Variants in ROBO1 observed in about 807,000 individuals in gnomAD.
The protein encoded by ROBO1 is roundabout guidance receptor 1.
A neutral mutation model predicts 195.9 loss-of-function variants in ROBO1; 149 were observed. That is an observed-to-expected ratio of 0.76 (90% CI 0.67 to 0.87). ROBO1 has a LOEUF of 0.87. Ranked by LOEUF, ROBO1 falls within the 40% of genes least tolerant of loss-of-function variation. The pLI is 0.00. For missense variants in ROBO1, 1,933 were observed against 2,068.3 expected, an observed-to-expected ratio of 0.93 and a Z score of 1.27; for synonymous variants, 816 against 733.2, an observed-to-expected ratio of 1.11 and a Z score of -1.82.
chr3:79,651,455 A>T (rs1027738520), intron 1 of ROBO1, among the ~76,000 whole-genome samples: 1 of 152,112 alleles, frequency 6.6e-6, no homozygotes, highest in African/African-American at 2.4e-5. Context: ...TATGTGTGAG[A>T]GAGTTAATTT....
chr3:79,511,095 C>T (rs1575943889), intron 2 of ROBO1, among the ~76,000 whole-genome samples: 1 of 152,110 alleles, frequency 6.6e-6, no homozygotes, highest in Non-Finnish European at 1.5e-5. Context: ...GCACAACACA[C>T]AAGATTTGTT....
intron 8 of ROBO1, among the ~76,000 whole-genome samples, chr3:78,702,841 G>A (rs982853488): frequency 2.6e-5 from 4 of 152,114 alleles, no homozygotes; most frequent in South Asian, 4.1e-4. Context: ...CCTATGATGC[G>A]CTATTTACTA....
chr3:79,456,112 C>T (rs2039612158), intron 2 of ROBO1, among the ~76,000 whole-genome samples: 1 of 152,104 alleles, frequency 6.6e-6, no homozygotes, highest in Non-Finnish European at 1.5e-5. Flanking sequence ...TAGTTTGATT[C>T]TCTTGATATA....
chr3:79,741,308 A>G (rs17017098), intron 1 of ROBO1, among the ~76,000 whole-genome samples: 5,608 of 152,252 alleles, frequency 0.037, 354 homozygotes, highest in African/African-American at 0.13. Context: ...AGAGTAGGGT[A>G]TTGTAATAGA....
At chr3:79,245,100 G>A (rs1197259981) in intron 2 of ROBO1, among the ~76,000 whole-genome samples, 1 of 151,970 alleles carries the variant, frequency 6.6e-6, no homozygotes, top group Non-Finnish European at 1.5e-5. Flanking sequence ...ACTTATATAT[G>A]TTTTATGTGT....
At chr3:79,523,020 T>C (rs145550014) in intron 2 of ROBO1, among the ~76,000 whole-genome samples, 2 of 152,300 alleles carry the variant, frequency 1.3e-5, no homozygotes, top group African/African-American at 4.8e-5. Context: ...CTGTGTCAAG[T>C]GTGCTTTACA....
intron 2 of ROBO1, among the ~76,000 whole-genome samples, chr3:79,292,664 A>G (rs2032325896): frequency 6.6e-6 from 1 of 152,070 alleles, no homozygotes; most frequent in African/African-American, 2.4e-5. Flanking sequence ...TTCTGTTTAC[A>G]TTACGGATTA....
intron 14 of ROBO1, among the ~76,000 whole-genome samples, chr3:78,665,705 C>A (rs1707691071): frequency 1.3e-5 from 2 of 152,014 alleles, no homozygotes; most frequent in South Asian, 2.1e-4. Context: ...TTAATGTATT[C>A]TTTGTCCAAT....
chr3:78,888,180 T>C (rs545120463), intron 4 of ROBO1, among the ~76,000 whole-genome samples: 1 of 152,310 alleles, frequency 6.6e-6, no homozygotes, highest in African/African-American at 2.4e-5. Flanking sequence ...TTTTGATCAA[T>C]TAAAAGTTTC....
At chr3:79,745,042 T>A (rs901955977) in intron 1 of ROBO1, among the ~76,000 whole-genome samples, 1 of 152,010 alleles carries the variant, frequency 6.6e-6, no homozygotes, top group Admixed American at 6.6e-5. Context: ...GCCAGAAGGG[T>A]GCTAGTTAAG....
chr3:79,243,772 C>T (rs1036869353), intron 2 of ROBO1, among the ~76,000 whole-genome samples: 1 of 152,120 alleles, frequency 6.6e-6, no homozygotes, highest in South Asian at 2.1e-4. Context: ...TTCTCCCATT[C>T]TATAGGTTGC....
intron 2 of ROBO1, among the ~76,000 whole-genome samples, chr3:79,148,389 C>T (rs757013046): frequency 6.6e-6 from 1 of 151,700 alleles, no homozygotes; most frequent in Non-Finnish European, 1.5e-5. Context: ...ACTCAGGAGG[C>T]TGATGGGTCT....
At chr3:79,257,562 G>A (rs555259876) in intron 2 of ROBO1, among the ~76,000 whole-genome samples, 10 of 152,126 alleles carry the variant, frequency 6.6e-5, no homozygotes, top group South Asian at 2.1e-4. Flanking sequence ...AGATTGATAC[G>A]TTTCATTTAT....
chr3:79,761,198 A>G (rs916343122), intron 1 of ROBO1, among the ~76,000 whole-genome samples: 25 of 149,194 alleles, frequency 1.7e-4, no homozygotes, highest in Non-Finnish European at 3.4e-4. Flanking sequence ...ATAGAACACT[A>G]TATTGCAATG....
chr3:79,746,644 A>G (rs1379506672), intron 1 of ROBO1, among the ~76,000 whole-genome samples: 1 of 152,052 alleles, frequency 6.6e-6, no homozygotes, highest in Non-Finnish European at 1.5e-5. Context: ...GAAATGAGAA[A>G]TATACCACAG....
At chr3:78,973,879 A>C (rs974336078) in intron 3 of ROBO1, among the ~76,000 whole-genome samples, 16 of 152,044 alleles carry the variant, frequency 1.1e-4, no homozygotes, top group African/African-American at 3.9e-4. Context: ...AGTCACATTA[A>C]GTTTCTTAGA....
Position 79,349,762 on chromosome 3 carries a change from A to G in ROBO1, c.89-224223T>C, listed in dbSNP as rs140043536. On this transcript the variant is annotated intron_variant, in intron 2 of 30. Transcript: ENST00000464233. ...GGTTCAGGGACAACTGGATATCCAC[A>G]TGCAAAAACTGGGCTCTTGTTTCAC... Among the ~76,000 whole-genome samples the G allele has an allele frequency of 4.9e-3, 745 of 152,326 alleles. 2 individuals carry two copies. Among genetic ancestry groups the G allele is most frequent in the Middle Eastern group, 0.027 (8 of 294 alleles).
chr3:79,409,935 T>C (rs1217467692), intron 2 of ROBO1, among the ~76,000 whole-genome samples: 2 of 152,220 alleles, frequency 1.3e-5, no homozygotes, highest in East Asian at 1.9e-4. Flanking sequence ...TATTTGCACA[T>C]ATATATATAC....
chr3:79,010,164 C>T (rs1020667017), intron 3 of ROBO1, among the ~76,000 whole-genome samples: 1 of 151,992 alleles, frequency 6.6e-6, no homozygotes, highest in African/African-American at 2.4e-5. Flanking sequence ...TAGTTCCCTC[C>T]CAAAAAAGCA....
Sources: allele counts gnomAD v4.1 joint callset (sites outside exome capture counted in the v4.1 genomes callset), GRCh38; gene constraint gnomAD v4.1.1; transcripts MANE v1.5; gene names NCBI Gene and HGNC (gene_info 2026-07-23, HGNC 2026-07-21).